Variants in GSTK1 observed in about 807,000 individuals in gnomAD.
The protein encoded by GSTK1 is glutathione S-transferase kappa 1.
Under a neutral mutation model 30.9 loss-of-function variants are expected in GSTK1, and 25 were observed. That is an observed-to-expected ratio of 0.81 (90% confidence interval 0.59 to 1.13). GSTK1 has a LOEUF of 1.13. GSTK1 is among the 50% of genes most tolerant of loss of function. The pLI is 0.00. For missense variants in GSTK1, 292 were observed against 292.4 expected, an observed-to-expected ratio of 1.00 and a Z score of 0.01; for synonymous variants, 108 against 112.5, an observed-to-expected ratio of 0.96 and a Z score of 0.25.
intron 2 of GSTK1, 190 bp downstream of exon 2, chr7:143,264,357 T>A: frequency 1.3e-6 from 1 of 767,728 alleles, no homozygotes; most frequent in South Asian, 1.7e-5. Context: ...GGCGGGAGAA[T>A]CGCTTGAACC....
At position 143,265,297 on chromosome 7, in the gene GSTK1, G is replaced by T. The variant is rs749511359; in HGVS notation, c.420+1G>T. On this transcript the variant is annotated splice_donor_variant, in intron 5 of 7. Coordinates refer to ENST00000358406, the MANE Select transcript of GSTK1 (RefSeq NM_015917.3). LOFTEE classifies it high-confidence loss of function. ...CACCGAGCCGCAGAGCATCCTGGCG[G>T]TGAGTGTCCTGGCTCCACCCCAACT... 3.8e-6 allele frequency: 6 copies of T among 1,598,508 alleles called. No homozygotes were observed. In the South Asian group the frequency reaches 6.8e-5, roughly 18 times the overall value.
In GSTK1 at chr7:143,268,808, A is replaced by G. The variant is rs1800957108; in HGVS notation, c.652A>G (p.Ile218Val). ...TCCAGGAGAGAAGTGGATGGGCCCT[A>G]TACCTCCAGCCGTGAATGCCAGACT... ...HLLGEKWMGP[I>V]PPAVNARL The change falls in exon 8 of 8, where the codon ATA becomes GTA. Residue 218 changes from isoleucine (I) to valine (V), a missense_variant. Coordinates refer to ENST00000358406, the MANE Select transcript of GSTK1 (RefSeq NM_015917.3). This position sits in a 1 kb window ranked among gnomAD's most constrained non-coding sequence, Gnocchi z 4.1. 1.9e-6 allele frequency: 3 copies of G among 1,614,058 alleles called. No homozygotes were observed. The highest frequency in any genetic ancestry group is 2.7e-5 in the African/African-American group (2 of 75,012).
At chr7:143,263,656 C>T (rs1348357753) in intron 1 of GSTK1, 71 bp downstream of exon 1, 5 of 1,431,808 alleles carry the variant, frequency 3.5e-6, no homozygotes, top group African/African-American at 1.4e-5. Flanking sequence ...GCGCAGGGCT[C>T]CGGGACAGAG....
At chr7:143,263,771 C>A in intron 1 of GSTK1, 186 bp downstream of exon 1, 1 of 617,858 alleles carries the variant, frequency 1.6e-6, no homozygotes. Flanking sequence ...TCGCTGGCTC[C>A]AACCCGAGCC....
rs746627881 is a variant in GSTK1 at position 143,264,081 on chromosome 7, C to G, written c.73-5C>G. ...CTGGCAATCGTTCTTGACCTCTGCC[C>G]GCAGATCCTGTGCCGGTATCAGAAT... On this transcript the variant is annotated splice_polypyrimidine_tract_variant and splice_region_variant and intron_variant, in intron 1 of 7. Coordinates refer to ENST00000358406, the MANE Select transcript of GSTK1 (RefSeq NM_015917.3). The G allele has an allele frequency of 6.2e-7, 1 of 1,613,864 alleles. No homozygotes were observed. The highest frequency in any genetic ancestry group is 8.5e-7 in the Non-Finnish European group (1 of 1,179,758).
At position 143,268,120 on chromosome 7, in the gene GSTK1, T is replaced by C; in HGVS notation, c.567T>C (p.His189=). 1 of 1,614,052 alleles carries C rather than the reference T, an allele frequency of 6.2e-7. No homozygotes were observed. Among genetic ancestry groups the C allele is most frequent in the Non-Finnish European group, 8.5e-7 (1 of 1,179,974 alleles). ...GAFGLPITVA[H]VDGQTHMLFG... is the part of the protein sequence containing the mutation. ...TTGGGCTGCCCATCACCGTGGCCCA[T>C]GTGGATGGCCAAACCCACATGTTAT... The change falls in exon 7 of 8, where the codon CAT becomes CAC. Residue 189 remains histidine (H), a synonymous_variant. Coordinates refer to ENST00000358406, the MANE Select transcript of GSTK1 (RefSeq NM_015917.3). This position sits in a 1 kb window ranked among gnomAD's most constrained non-coding sequence, Gnocchi z 4.1.
intron 5 of GSTK1, among the ~76,000 whole-genome samples, chr7:143,267,133 A>G (rs1365304478): frequency 6.6e-6 from 1 of 152,170 alleles, no homozygotes; most frequent in African/African-American, 2.4e-5. Flanking sequence ...CCTTGTTACA[A>G]AGTTCTCAGG....
intron 3 of GSTK1, 67 bp downstream of exon 3, chr7:143,264,743 A>G: frequency 6.3e-7 from 1 of 1,593,196 alleles, no homozygotes; most frequent in South Asian, 1.1e-5. Flanking sequence ...TGAGGGATTG[A>G]TAGGATGGAG....
intron 1 of GSTK1, 57 bp downstream of exon 1, chr7:143,263,642 G>T: frequency 8.0e-6 from 12 of 1,502,618 alleles, no homozygotes; most frequent in Non-Finnish European, 1.1e-5. Flanking sequence ...GGAGGGAAGA[G>T]TGAGCGCAGG....
intron 1 of GSTK1, chr7:143,263,880 T>C (rs1455159688): frequency 3.3e-6 from 2 of 607,008 alleles, no homozygotes; most frequent in African/African-American, 3.7e-5. Context: ...AGCCCAACGA[T>C]GGCAGTTTTG....
rs1402671857 is a variant in GSTK1, at chr7:143,268,074, G to T, written c.538-17G>T. On this transcript the variant is annotated splice_polypyrimidine_tract_variant and intron_variant, in intron 6 of 7. Transcript: ENST00000358406. The surrounding 1 kb of genome is among the most constrained non-coding windows in gnomAD (Gnocchi z 4.1). ...GCTCCTTTGCCTTCCTCCTTGCATT[G>T]TAACTGCTTTCTCCAGGCCTTTGGG... The T allele has an allele frequency of 6.2e-7, 1 of 1,601,244 alleles. No individual in the cohort carries two copies. The highest frequency in any genetic ancestry group is 1.3e-5 in the African/African-American group (1 of 74,462).
In GSTK1 at chr7:143,268,119, A is replaced by G. The variant is rs1035609969; in HGVS notation, c.566A>G (p.His189Arg). The G allele has an allele frequency of 4.3e-6, 7 of 1,613,890 alleles. No individual in the cohort carries two copies. Among genetic ancestry groups the G allele is most frequent in the African/African-American group, 2.7e-5 (2 of 74,890 alleles). ...GAFGLPITVA[H>R]VDGQTHMLFG... ...TTTGGGCTGCCCATCACCGTGGCCCATGTGGATGGCCAAACCCACATGTTA... is the reference window on the plus strand; with the variant it reads ...TTTGGGCTGCCCATCACCGTGGCCCGTGTGGATGGCCAAACCCACATGTTA... Residue 189 changes from histidine (H) to arginine (R), a missense_variant, in exon 7 of 8, where the codon CAT becomes CGT. Transcript: ENST00000358406. The surrounding 1 kb of genome is among the most constrained non-coding windows in gnomAD (Gnocchi z 4.1).
In GSTK1 at chr7:143,265,779, G is replaced by A. The variant is rs115324647; in HGVS notation, c.420+483G>A. On this transcript the variant is annotated intron_variant, in intron 5 of 7. Coordinates refer to ENST00000358406, the MANE Select transcript of GSTK1 (RefSeq NM_015917.3). The stretch of plus-strand genomic sequence containing the variant: ...CTCAAAACATTGACCAGTGAGCCAT[G>A]GATGGGGGTATAAAAGTAAGTTTGT... Among the ~76,000 whole-genome samples, 878 of 152,280 alleles carry A rather than the reference G, an allele frequency of 5.8e-3. 10 individuals are homozygous for A. Among genetic ancestry groups the A allele is most frequent in the African/African-American group, 0.019 (794 of 41,554 alleles).
In GSTK1 at chr7:143,268,064, T is replaced by C. The variant is rs1479354583; in HGVS notation, c.538-27T>C. The C allele has an allele frequency of 2.5e-6, 4 of 1,577,838 alleles. No individual in the cohort carries two copies. The Admixed American group carries it at 5.2e-5, about 20-fold the overall frequency. On this transcript the variant is annotated intron_variant, in intron 6 of 7. Transcript: ENST00000358406. This position sits in a 1 kb window ranked among gnomAD's most constrained non-coding sequence, Gnocchi z 4.1. ...CCTAATACCTGCTCCTTTGCCTTCC[T>C]CCTTGCATTGTAACTGCTTTCTCCA...
chr7:143,268,963 G>A lies in GSTK1; in HGVS notation c.*126G>A. Reference sequence around the variant, plus strand: ...ATAGAGGTATTTTCTGTGGCCCTGGGAGCTGTCTGTCTTTCCCCTACCCCC... The same window carrying A: ...ATAGAGGTATTTTCTGTGGCCCTGGAAGCTGTCTGTCTTTCCCCTACCCCC... On this transcript the variant is annotated 3_prime_UTR_variant, in exon 8 of 8. Transcript: ENST00000358406. This position sits in a 1 kb window ranked among gnomAD's most constrained non-coding sequence, Gnocchi z 4.1. The A allele has an allele frequency of 1.2e-6, 1 of 821,112 alleles. No individual in the cohort carries two copies. Among genetic ancestry groups the A allele is most frequent in the South Asian group, 1.5e-5 (1 of 68,926 alleles). The allele number at this position is 821,112 out of a possible 1,614,324, so 50.9% of individuals were successfully genotyped here.
At position 143,268,480 on chromosome 7, in the gene GSTK1, A is replaced by C. The variant is rs574631569; in HGVS notation, c.631+296A>C. Among the ~76,000 whole-genome samples the C allele has an allele frequency of 6.6e-6, 1 of 152,268 alleles. No individual in the cohort carries two copies. The highest frequency in any genetic ancestry group is 2.1e-4 in the South Asian group (1 of 4,828). Reference sequence around the variant, plus strand: ...ACAAAGCAAGACTCCGTCTCAAAAAATAAAAAGATTCAACCCTGAGCTGCC... The same window carrying C: ...ACAAAGCAAGACTCCGTCTCAAAAACTAAAAAGATTCAACCCTGAGCTGCC... On this transcript the variant is annotated intron_variant, in intron 7 of 7. Coordinates refer to ENST00000358406, the MANE Select transcript of GSTK1 (RefSeq NM_015917.3). This position sits in a 1 kb window ranked among gnomAD's most constrained non-coding sequence, Gnocchi z 4.1.
Position 143,268,445 on chromosome 7 carries a change from A to AG in GSTK1, c.631+262dup, listed in dbSNP as rs1800946470. On this transcript the variant is annotated intron_variant, in intron 7 of 7. Transcript: ENST00000358406. The surrounding 1 kb of genome is among the most constrained non-coding windows in gnomAD (Gnocchi z 4.1). Reference sequence around the variant, plus strand: ...AGCCGAGATCGCGCCACTGCACTCCAGCCTGGGTGACAAAGCAAGACTCCG... The same window carrying AG: ...AGCCGAGATCGCGCCACTGCACTCCAGGCCTGGGTGACAAAGCAAGACTCCG... 6.6e-6 allele frequency among the ~76,000 whole-genome samples: 1 copy of AG among 152,192 alleles called. No individual in the cohort carries two copies. Among genetic ancestry groups the AG allele is most frequent in the African/African-American group, 2.4e-5 (1 of 41,448 alleles).
chr7:143,265,764 T>C (rs1009864744), intron 5 of GSTK1, among the ~76,000 whole-genome samples: 2 of 152,108 alleles, frequency 1.3e-5, no homozygotes, highest in African/African-American at 4.8e-5. Context: ...CTCAAAACAT[T>C]GACCAGTGAG....
At position 143,264,581 on chromosome 7, in the gene GSTK1, GACTA is replaced by G; in HGVS notation, c.189_192del (p.Leu64ThrfsTer6). 1 of 1,614,008 alleles carries G rather than the reference GACTA, an allele frequency of 6.2e-7. No homozygotes were observed. Among genetic ancestry groups the G allele is most frequent in the Non-Finnish European group, 8.5e-7 (1 of 1,179,926 alleles). On this transcript the variant is annotated frameshift_variant, in exon 3 of 8. Coordinates refer to ENST00000358406, the MANE Select transcript of GSTK1 (RefSeq NM_015917.3). LOFTEE classifies it high-confidence loss of function. ...CCTCCAGGTCTGCTTCCCCGCAAAG[GACTA>G]TACATGGCAAATGACTTAAAGCTCC...
Sources: gnomAD v4.1 joint callset for allele counts (sites outside exome capture counted in the v4.1 genomes callset) on GRCh38, gnomAD v4.1.1 for gene constraint, Gnocchi (gnomAD v3.1) non-coding constraint, MANE v1.5 for transcripts, NCBI Gene and HGNC (gene_info 2026-07-23, HGNC 2026-07-21) for gene names.